Variants in CAB39L observed in about 807,000 individuals in gnomAD.
CAB39L encodes calcium binding protein 39 like.
In CAB39L, 23 loss-of-function variants were observed where a neutral mutation model predicts 39.1. The ratio of observed to expected loss-of-function variants is 0.59; its 90% CI spans 0.42 to 0.83. The LOEUF is 0.83. Among genes scored for constraint, CAB39L ranks in the 40% least tolerant of loss-of-function variants. CAB39L has a pLI of 0.00. For synonymous variants in CAB39L, 126 were observed against 137.2 expected (o/e 0.92, Z 0.57); for missense variants, 366 against 391.9 (o/e 0.93, Z 0.56).
At position 49,309,178 on chromosome 13, in the gene CAB39L, A is replaced by C. The variant is rs9535196; in HGVS notation, c.*1636T>G. 6.6e-6 allele frequency: 1 copy of C among 152,386 alleles called. No individual in the cohort carries two copies. Among genetic ancestry groups the C allele is most frequent in the East Asian group, 1.9e-4 (1 of 5,178 alleles). 9.4% of individuals were successfully genotyped at this position (152,386 alleles called of 1,614,324 possible). A position where few individuals can be genotyped will look rare whatever the true frequency, so the allele number is the denominator to read the frequency against. On this transcript the variant is annotated 3_prime_UTR_variant, in exon 11 of 11. Transcript: ENST00000409308. ...AATCTGACGTCAGTGACTAAAGAGT[A>C]CGGGTCATCAGGCTGCCGGCCGGCC... is the stretch of plus-strand genomic sequence containing the variant.
chr13:49,371,187 TTC>T (rs1491433838), intron 5 of CAB39L, among the ~76,000 whole-genome samples: 11 of 116,506 alleles, frequency 9.4e-5, no homozygotes, highest in Middle Eastern at 5.1e-3. Flanking sequence ...TTCTTTTTCT[TTC>T]TTTTTTTTTT....
At chr13:49,321,203 G>C (rs1954328964) in intron 10 of CAB39L, among the ~76,000 whole-genome samples, 1 of 152,208 alleles carries the variant, frequency 6.6e-6, no homozygotes, top group Non-Finnish European at 1.5e-5. Context: ...GTGTATGTAT[G>C]TGCAGCATTT....
At chr13:49,436,958 A>T (rs150743297) in intron 1 of CAB39L, among the ~76,000 whole-genome samples, 1 of 149,732 alleles carries the variant, frequency 6.7e-6, no homozygotes, top group East Asian at 2.0e-4. Flanking sequence ...TTTTGTAGAG[A>T]CTAGGTCTCA....
At chr13:49,404,763 G>A (rs1043290854) in intron 3 of CAB39L, among the ~76,000 whole-genome samples, 1 of 152,120 alleles carries the variant, frequency 6.6e-6, no homozygotes, top group South Asian at 2.1e-4. Flanking sequence ...CAGAAATTCT[G>A]GAGCTGAAAA....
intron 1 of CAB39L, among the ~76,000 whole-genome samples, chr13:49,437,063 G>A (rs1327694418): frequency 2.6e-5 from 4 of 152,186 alleles, no homozygotes; most frequent in South Asian, 4.1e-4. Context: ...GAGCCACTGT[G>A]CCCAGCCCAG....
intron 10 of CAB39L, among the ~76,000 whole-genome samples, chr13:49,315,552 T>C (rs1386466774): frequency 2.0e-5 from 3 of 151,884 alleles, no homozygotes; most frequent in East Asian, 3.9e-4. Context: ...CCAAAAGCAG[T>C]GCTCAGGGGG....
At position 49,429,288 on chromosome 13, in the gene CAB39L, T is replaced by G. The variant is rs79511259; in HGVS notation, c.-32+4030A>C. Among the ~76,000 whole-genome samples, 77 of 152,312 alleles carry G rather than the reference T, an allele frequency of 5.1e-4. 1 individual carries two copies. The East Asian group carries it at 9.6e-3, about 19-fold the overall frequency. ...TTAAAATTTTTTTAGAGATGAGGTC[T>G]TATTATGTTGCCCAAGCTGCTCTTG... On this transcript the variant is annotated intron_variant, in intron 3 of 10. Coordinates refer to ENST00000409308, the MANE Select transcript of CAB39L (RefSeq NM_001079670.3).
chr13:49,383,221 T>C (rs897440915), intron 3 of CAB39L, among the ~76,000 whole-genome samples: 1 of 152,042 alleles, frequency 6.6e-6, no homozygotes, highest in Non-Finnish European at 1.5e-5. Flanking sequence ...AGAGTCCAAG[T>C]TGATATGTAA....
At chr13:49,315,281 A>G (rs888063224) in intron 10 of CAB39L, among the ~76,000 whole-genome samples, 1 of 152,144 alleles carries the variant, frequency 6.6e-6, no homozygotes, top group Non-Finnish European at 1.5e-5. Flanking sequence ...GGCAGCCCAC[A>G]TGGCTTACTT....
intron 3 of CAB39L, among the ~76,000 whole-genome samples, chr13:49,431,872 G>T (rs1957331031): frequency 6.7e-6 from 1 of 148,668 alleles, no homozygotes; most frequent in South Asian, 2.1e-4. Flanking sequence ...CTAAAAATTA[G>T]AAACAATTCA....
chr13:49,318,238 G>GA (rs1265884330), intron 10 of CAB39L, among the ~76,000 whole-genome samples: 3 of 151,536 alleles, frequency 2.0e-5, no homozygotes, highest in Non-Finnish European at 2.9e-5. Context: ...AAGGTGGGAG[G>GA]ATCACTTGAG....
intron 1 of CAB39L, among the ~76,000 whole-genome samples, chr13:49,442,727 G>A (rs1192335481): frequency 1.4e-5 from 2 of 140,892 alleles, no homozygotes; most frequent in African/African-American, 5.5e-5. Flanking sequence ...CGGAGGCAGA[G>A]TTGCAGTGAG....
intron 3 of CAB39L, among the ~76,000 whole-genome samples, chr13:49,411,596 A>C (rs1034421215): frequency 9.9e-5 from 15 of 152,000 alleles, no homozygotes; most frequent in East Asian, 7.7e-4. Context: ...ACTGCATTAT[A>C]ATTTATTTTA....
At chr13:49,325,960 C>T (rs1954484770) in intron 10 of CAB39L, among the ~76,000 whole-genome samples, 1 of 152,118 alleles carries the variant, frequency 6.6e-6, no homozygotes, top group Non-Finnish European at 1.5e-5. Context: ...ACTGTCAAGC[C>T]GACTTTTATA....
chr13:49,422,460 G>C (rs1957184658), intron 3 of CAB39L, among the ~76,000 whole-genome samples: 1 of 152,180 alleles, frequency 6.6e-6, no homozygotes, highest in South Asian at 2.1e-4. Context: ...TGTCTTCCCA[G>C]CTACTCAGGA....
intron 3 of CAB39L, among the ~76,000 whole-genome samples, chr13:49,389,832 G>A (rs970525951): frequency 1.3e-5 from 2 of 151,956 alleles, no homozygotes; most frequent in South Asian, 2.1e-4. Flanking sequence ...TAAAAATTTC[G>A]CCAGTATGAC....
At chr13:49,319,443 G>A (rs1192114655) in intron 10 of CAB39L, among the ~76,000 whole-genome samples, 1 of 152,058 alleles carries the variant, frequency 6.6e-6, no homozygotes, top group Non-Finnish European at 1.5e-5. Flanking sequence ...ATGGAGGTGA[G>A]GGGCAATGGG....
At chr13:49,422,305 G>A (rs1167778647) in intron 3 of CAB39L, among the ~76,000 whole-genome samples, 1 of 152,172 alleles carries the variant, frequency 6.6e-6, no homozygotes, top group Non-Finnish European at 1.5e-5. Flanking sequence ...GGGCGTGGTG[G>A]CTCACACCTA....
chr13:49,395,237 C>CTT (rs543831076), intron 3 of CAB39L, among the ~76,000 whole-genome samples: 2 of 135,004 alleles, frequency 1.5e-5, no homozygotes. Flanking sequence ...TCTTTTCTTT[C>CTT]TTTTTTTTTT....
Sources: gnomAD v4.1 joint callset for allele counts (sites outside exome capture counted in the v4.1 genomes callset) on GRCh38, gnomAD v4.1.1 for gene constraint, MANE v1.5 for transcripts, NCBI Gene and HGNC (gene_info 2026-07-23, HGNC 2026-07-21) for gene names.